Variants in SLC22A24 observed in about 807,000 individuals in gnomAD.
The protein encoded by SLC22A24 is steroid transmembrane transporter SLC22A24.
In SLC22A24, 53 loss-of-function variants were observed where a neutral mutation model predicts 49.8. That is an observed-to-expected ratio of 1.06 (90% CI 0.85 to 1.34). The LOEUF (loss-of-function observed/expected upper bound fraction) is 1.34, where lower values mean the gene tolerates loss of function less well. Among genes scored for constraint, SLC22A24 ranks in the 40% most tolerant of loss-of-function variants. The pLI is 0.00. For synonymous variants in SLC22A24, 302 were observed against 256.4 expected, an observed-to-expected ratio of 1.18 and a Z score of -1.70; for missense variants, 786 against 675.9, an observed-to-expected ratio of 1.16 and a Z score of -1.81.
intron 4 of SLC22A24, among the ~76,000 whole-genome samples, chr11:63,112,182 A>C (rs997781174): frequency 5.9e-5 from 9 of 152,046 alleles, no homozygotes; most frequent in Non-Finnish European, 8.8e-5. Context: ...CTTAATCCTG[A>C]GTTCTAGTTT....
At chr11:63,085,189 A>G (rs1426649085) in intron 6 of SLC22A24, among the ~76,000 whole-genome samples, 1 of 152,230 alleles carries the variant, frequency 6.6e-6, no homozygotes, top group African/African-American at 2.4e-5. Flanking sequence ...TCATAGATAT[A>G]AAATTTCTAT....
chr11:63,141,094 C>T (rs1242886429), intron 1 of SLC22A24, among the ~76,000 whole-genome samples: 1 of 152,146 alleles, frequency 6.6e-6, no homozygotes, highest in Non-Finnish European at 1.5e-5. Context: ...AATTGATGTG[C>T]TGTTTGATTG....
At chr11:63,102,324 T>A (rs929524020) in intron 5 of SLC22A24, among the ~76,000 whole-genome samples, 1 of 151,990 alleles carries the variant, frequency 6.6e-6, no homozygotes, top group Non-Finnish European at 1.5e-5. Context: ...CCCAGAAAGA[T>A]AAAAGAGTCA....
chr11:63,131,628 G>T (rs2087336248), intron 2 of SLC22A24, among the ~76,000 whole-genome samples: 1 of 152,158 alleles, frequency 6.6e-6, no homozygotes, highest in African/African-American at 2.4e-5. Flanking sequence ...TGGCTTGTAG[G>T]GTTTCTGCTG....
intron 4 of SLC22A24, among the ~76,000 whole-genome samples, chr11:63,115,684 T>C (rs2087207577): frequency 6.6e-6 from 1 of 152,210 alleles, no homozygotes; most frequent in African/African-American, 2.4e-5. Context: ...GCTGTTCCTA[T>C]TCGACCATCT....
intron 8 of SLC22A24, 79 bp downstream of exon 8, chr11:63,081,479 G>T: frequency 4.1e-6 from 4 of 982,830 alleles, no homozygotes; most frequent in East Asian, 5.2e-5. Flanking sequence ...CCTAAACAGT[G>T]TCAGTCTTTC....
intron 2 of SLC22A24, among the ~76,000 whole-genome samples, chr11:63,130,971 A>G (rs1003867592): frequency 1.3e-5 from 2 of 151,960 alleles, no homozygotes; most frequent in Admixed American, 6.6e-5. Flanking sequence ...TATTGGGTGT[A>G]TATATATTTA....
chr11:63,122,973 G>T (rs2087262818), intron 2 of SLC22A24, among the ~76,000 whole-genome samples: 1 of 152,108 alleles, frequency 6.6e-6, no homozygotes, highest in Non-Finnish European at 1.5e-5. Context: ...GGAAATATTA[G>T]ATATCCTCCT....
At chr11:63,119,632 A>T (rs1177407889) in intron 2 of SLC22A24, among the ~76,000 whole-genome samples, 1 of 152,154 alleles carries the variant, frequency 6.6e-6, no homozygotes, top group Non-Finnish European at 1.5e-5. Flanking sequence ...ATATTTCCCA[A>T]ATGTTTATTC....
Position 63,115,347 on chromosome 11 carries a change from C to T in SLC22A24, c.830+3565G>A, listed in dbSNP as rs376610867. Among the ~76,000 whole-genome samples, 6 of 152,224 alleles carry T rather than the reference C, an allele frequency of 3.9e-5. No homozygotes were observed. In the East Asian group the frequency reaches 5.8e-4, roughly 15 times the overall value. On this transcript the variant is annotated intron_variant, in intron 4 of 9. Coordinates refer to ENST00000612278, the MANE Select transcript of SLC22A24 (RefSeq NM_001136506.2). ...TGCTGTGCTAGCAGTGAGCAAGGCT[C>T]CGTGGGCATGGGACCCAGTGAGCCA...
intron 4 of SLC22A24, among the ~76,000 whole-genome samples, chr11:63,108,689 A>G (rs991424241): frequency 6.6e-6 from 1 of 151,514 alleles, no homozygotes; most frequent in Non-Finnish European, 1.5e-5. Context: ...GAATTTATCC[A>G]TTTCTTTTAG....
chr11:63,126,110 T>G (rs2087288578), intron 2 of SLC22A24, among the ~76,000 whole-genome samples: 1 of 152,206 alleles, frequency 6.6e-6, no homozygotes, highest in South Asian at 2.1e-4. Context: ...TCTGTATGTT[T>G]CCTGTTCACT....
intron 1 of SLC22A24, among the ~76,000 whole-genome samples, chr11:63,137,081 G>C (rs950197075): frequency 5.3e-5 from 8 of 152,062 alleles, no homozygotes; most frequent in Non-Finnish European, 8.8e-5. Context: ...CAGGGTGTCT[G>C]TTTGTAGCTC....
rs764735365 is a variant in SLC22A24, at chr11:63,119,327, C to T, written c.515G>A (p.Arg172Gln). The T allele has an allele frequency of 4.6e-6, 7 of 1,534,564 alleles. No homozygotes were observed. The East Asian group carries it at 7.3e-5, about 16-fold the overall frequency. ...IYGHLSDRVG[R>Q]KIICKLCFLQ... ...GAAACACAATTTGCATATGATCTTC[C>T]GTCCAACCCTAAGAAATATTAAACC... Residue 172 changes from arginine (R) to glutamine (Q), a missense_variant, in exon 3 of 10, where the codon CGG becomes CAG. Physicochemically the swap from Arg to Gln is conservative, Grantham distance 43. Transcript: ENST00000612278.
At chr11:63,109,987 C>T (rs1031370394) in intron 4 of SLC22A24, among the ~76,000 whole-genome samples, 13 of 152,074 alleles carry the variant, frequency 8.5e-5, no homozygotes, top group African/African-American at 1.4e-4. Context: ...TTAGATCTAA[C>T]GTTTAAGTCT....
chr11:63,108,299 G>T (rs548668152), intron 4 of SLC22A24, among the ~76,000 whole-genome samples: 11 of 152,212 alleles, frequency 7.2e-5, no homozygotes, highest in African/African-American at 2.6e-4. Flanking sequence ...TGATCGTGGT[G>T]GATAAGCTTT....
intron 6 of SLC22A24, among the ~76,000 whole-genome samples, chr11:63,095,267 A>G (rs566287937): frequency 4.1e-4 from 62 of 152,258 alleles, no homozygotes; most frequent in Admixed American, 1.8e-3. Flanking sequence ...ATAGCCAAAT[A>G]TACATGTGCC....
At chr11:63,125,328 C>T (rs1479854208) in intron 2 of SLC22A24, among the ~76,000 whole-genome samples, 1 of 152,026 alleles carries the variant, frequency 6.6e-6, no homozygotes, top group East Asian at 1.9e-4. Flanking sequence ...CCACGACAGG[C>T]CCTGGTATGT....
intron 6 of SLC22A24, among the ~76,000 whole-genome samples, chr11:63,094,667 G>A (rs898432713): frequency 4.3e-4 from 66 of 152,106 alleles, no homozygotes; most frequent in African/African-American, 1.2e-3. Flanking sequence ...TTTAATGATC[G>A]CCATTCTAAC....
Sources: allele counts gnomAD v4.1 joint callset (sites outside exome capture counted in the v4.1 genomes callset), GRCh38; gene constraint gnomAD v4.1.1; transcripts MANE v1.5; gene names NCBI Gene and HGNC (gene_info 2026-07-23, HGNC 2026-07-21).